PTPRD: variants seen among roughly 807,000 people sequenced by gnomAD.
PTPRD encodes the protein receptor-type tyrosine-protein phosphatase delta.
In PTPRD, 34 loss-of-function variants were observed where a neutral mutation model predicts 214.5. That is an observed-to-expected ratio of 0.16 (90% confidence interval 0.12 to 0.21). The LOEUF is 0.21. Among genes scored for constraint, PTPRD ranks in the 10% least tolerant of loss-of-function variants. PTPRD has a pLI of 1.00. For missense variants in PTPRD, 2,545 were observed against 2,398.7 expected (o/e 1.06, Z -1.27); for synonymous variants, 1,128 against 845.7 (o/e 1.33, Z -5.79).
rs1357676113 is a variant in PTPRD, at chr9:9,845,567, G to C, written c.-367-78716C>G. On this transcript the variant is annotated intron_variant, in intron 5 of 45. Transcript: ENST00000381196. The stretch of plus-strand genomic sequence containing the variant: ...TACCTAAGGACTTCTGATATGGCTA[G>C]AGACTCCAAATCATAGGGTCCTTCA... Among the ~76,000 whole-genome samples the C allele has an allele frequency of 2.6e-5, 4 of 151,930 alleles. No individual in the cohort carries two copies. In the East Asian group the frequency reaches 7.8e-4, roughly 30 times the overall value.
intron 3 of PTPRD, among the ~76,000 whole-genome samples, chr9:10,106,013 C>CA (rs35421883): frequency 0.031 from 1,758 of 56,406 alleles, 54 homozygotes; most frequent in African/African-American, 0.057. Context: ...ATCACATATT[C>CA]AAAAAAAAAA....
chr9:8,660,999 C>T (rs768899318), intron 12 of PTPRD, among the ~76,000 whole-genome samples: 8 of 152,032 alleles, frequency 5.3e-5, no homozygotes, highest in Non-Finnish European at 1.2e-4. Flanking sequence ...CTCACTCTGG[C>T]TATGAAAGAG....
At chr9:8,948,023 T>C (rs1351788345) in intron 11 of PTPRD, among the ~76,000 whole-genome samples, 69 of 2,232 alleles carry the variant, frequency 0.031, no homozygotes, top group Non-Finnish European at 0.17. Context: ...CTCTCTCTCT[T>C]TTTTTTTTTT....
At chr9:9,692,253 T>C (rs2097286788) in intron 7 of PTPRD, among the ~76,000 whole-genome samples, 1 of 152,070 alleles carries the variant, frequency 6.6e-6, no homozygotes, top group Admixed American at 6.6e-5. Flanking sequence ...GTATCATAGT[T>C]TGAGGTCTTA....
chr9:10,132,067 T>C (rs1374452303), intron 3 of PTPRD, among the ~76,000 whole-genome samples: 2 of 152,074 alleles, frequency 1.3e-5, no homozygotes, highest in East Asian at 1.9e-4. Flanking sequence ...AAATAAAAAA[T>C]ATTGAGGCAA....
intron 21 of PTPRD, among the ~76,000 whole-genome samples, chr9:8,517,181 A>G (rs1477191052): frequency 6.6e-6 from 1 of 152,138 alleles, no homozygotes; most frequent in Non-Finnish European, 1.5e-5. Flanking sequence ...CTCAAAGACC[A>G]AAGAGGTTTG....
At chr9:9,653,638 T>C (rs1306512511) in intron 7 of PTPRD, among the ~76,000 whole-genome samples, 4 of 152,244 alleles carry the variant, frequency 2.6e-5, no homozygotes, top group African/African-American at 9.6e-5. Context: ...TCCTGTATTA[T>C]AATGTGGTTG....
intron 12 of PTPRD, among the ~76,000 whole-genome samples, chr9:8,704,827 G>A (rs1163124941): frequency 2.6e-5 from 4 of 151,932 alleles, no homozygotes; most frequent in African/African-American, 9.7e-5. Context: ...GGACGCTGAG[G>A]CAGGAGAATC....
chr9:8,489,533 T>G (rs1591819724), intron 27 of PTPRD, among the ~76,000 whole-genome samples: 1 of 152,144 alleles, frequency 6.6e-6, no homozygotes, highest in Admixed American at 6.5e-5. Flanking sequence ...AAATGAATGC[T>G]TATGCAGCTT....
chr9:9,345,381 G>A (rs2048402097), intron 9 of PTPRD, among the ~76,000 whole-genome samples: 1 of 152,066 alleles, frequency 6.6e-6, no homozygotes, highest in Non-Finnish European at 1.5e-5. Flanking sequence ...ATCAGTATGA[G>A]ACATGGGCAG....
chr9:9,235,509 T>C (rs1371617068), intron 9 of PTPRD, among the ~76,000 whole-genome samples: 3 of 152,144 alleles, frequency 2.0e-5, no homozygotes, highest in Non-Finnish European at 4.4e-5. Context: ...GGCTCTCATG[T>C]TATGTTCTTC....
intron 22 of PTPRD, among the ~76,000 whole-genome samples, chr9:8,506,242 T>C (rs1262475598): frequency 1.3e-5 from 2 of 152,174 alleles, no homozygotes; most frequent in Non-Finnish European, 2.9e-5. Context: ...TTTCACTTTG[T>C]GAAGATTTTT....
rs932185672 is a variant in PTPRD, at chr9:8,317,045, A to ATAAT, written c.*825_*828dup. 5 of 231,672 alleles carry ATAAT rather than the reference A, an allele frequency of 2.2e-5. No homozygotes were observed. The highest frequency in any genetic ancestry group is 1.8e-4 in the South Asian group (1 of 5,518). 14.4% of individuals were successfully genotyped at this position (231,672 alleles called of 1,614,324 possible). A position where few individuals can be genotyped will look rare whatever the true frequency, so the allele number is the denominator to read the frequency against. Reference sequence around the variant, plus strand: ...TTGATTCCAAAAACAAAACAAAATAATAATTATCTTTGATTATTTGAAGAG... The same window carrying ATAAT: ...TTGATTCCAAAAACAAAACAAAATAATAATTAATTATCTTTGATTATTTGAAGAG... On this transcript the variant is annotated 3_prime_UTR_variant, in exon 46 of 46. Coordinates refer to ENST00000381196, the MANE Select transcript of PTPRD (RefSeq NM_002839.4).
chr9:8,726,589 ATATATAT>A (rs1250285844), intron 12 of PTPRD, among the ~76,000 whole-genome samples: 4 of 12,916 alleles, frequency 3.1e-4, no homozygotes, highest in African/African-American at 3.9e-4. Flanking sequence ...AAAAAAAAAA[ATATATAT>A]ATATATATAT....
At chr9:9,894,278 G>A (rs893231876) in intron 5 of PTPRD, among the ~76,000 whole-genome samples, 1 of 151,954 alleles carries the variant, frequency 6.6e-6, no homozygotes, top group African/African-American at 2.4e-5. Context: ...CTTCTGGAAA[G>A]CAATTCAGAT....
At chr9:9,977,587 G>T (rs2095403767) in intron 4 of PTPRD, among the ~76,000 whole-genome samples, 1 of 152,070 alleles carries the variant, frequency 6.6e-6, no homozygotes, top group South Asian at 2.1e-4. Context: ...AAAATACTAA[G>T]ATATAACAAC....
At chr9:8,507,825 C>T (rs898834495) in intron 21 of PTPRD, among the ~76,000 whole-genome samples, 6 of 152,132 alleles carry the variant, frequency 3.9e-5, no homozygotes, top group African/African-American at 1.4e-4. Flanking sequence ...TTGTTATTTA[C>T]AACTGAGTAG....
At chr9:8,867,223 C>T (rs1052168443) in intron 11 of PTPRD, among the ~76,000 whole-genome samples, 4 of 152,040 alleles carry the variant, frequency 2.6e-5, no homozygotes, top group African/African-American at 9.7e-5. Flanking sequence ...TTTTGTTCTC[C>T]TCCCTTTCTT....
At chr9:10,551,544 G>A (rs957246994) in intron 2 of PTPRD, among the ~76,000 whole-genome samples, 1 of 152,082 alleles carries the variant, frequency 6.6e-6, no homozygotes, top group African/African-American at 2.4e-5. Context: ...TTGTGCCTTT[G>A]TAAAACAGGC....
Sources: gnomAD v4.1 joint callset for allele counts (sites outside exome capture counted in the v4.1 genomes callset) on GRCh38, gnomAD v4.1.1 for gene constraint, MANE v1.5 for transcripts, NCBI Gene and HGNC (gene_info 2026-07-23, HGNC 2026-07-21) for gene names.